Variants in NYAP2 observed in about 807,000 individuals in gnomAD.
The protein encoded by NYAP2 is neuronal tyrosine-phosphorylated phosphoinositide-3-kinase adaptor 2.
A neutral mutation model predicts 50.4 loss-of-function variants in NYAP2; 23 were observed. That is an observed-to-expected ratio of 0.46 (90% CI 0.33 to 0.65). The LOEUF is 0.65. Ranked by LOEUF, NYAP2 falls within the 30% of genes least tolerant of loss-of-function variation. The pLI, the probability that NYAP2 is intolerant of heterozygous loss-of-function variation, is 0.02. For synonymous variants in NYAP2, 394 were observed against 365.2 expected (o/e 1.08, Z -0.90); for missense variants, 885 against 861.0 (o/e 1.03, Z -0.35).
intron 3 of NYAP2, among the ~76,000 whole-genome samples, chr2:225,416,956 C>T (rs566165150): frequency 3.3e-5 from 5 of 151,978 alleles, no homozygotes; most frequent in East Asian, 1.9e-4. Flanking sequence ...AACAGAAGCC[C>T]GTTGGAGAAT....
At chr2:225,473,055 G>A (rs1448666042) in intron 3 of NYAP2, among the ~76,000 whole-genome samples, 6 of 152,092 alleles carry the variant, frequency 3.9e-5, no homozygotes, top group Non-Finnish European at 7.4e-5. Flanking sequence ...GAGAACATGC[G>A]GTGTTTGGTT....
chr2:225,561,276 A>G (rs1691867676), intron 4 of NYAP2, among the ~76,000 whole-genome samples: 1 of 152,144 alleles, frequency 6.6e-6, no homozygotes, highest in Non-Finnish European at 1.5e-5. Context: ...GAAGCAAGCC[A>G]TGTACATCGC....
At chr2:225,577,947 A>AT (rs1257802425) in intron 4 of NYAP2, among the ~76,000 whole-genome samples, 2 of 151,858 alleles carry the variant, frequency 1.3e-5, no homozygotes, top group Admixed American at 6.6e-5. Context: ...AATTTATTAT[A>AT]TTTTGAGACA....
the NYAP2 span, among the ~76,000 whole-genome samples, chr2:225,663,144 A>AGCAAGATGG: frequency 6.6e-6 from 1 of 152,214 alleles, no homozygotes; most frequent in African/African-American, 2.4e-5. Context: ...ACTAGGGAGA[A>AGCAAGATGG]GCAAGATGGG....
intron 4 of NYAP2, among the ~76,000 whole-genome samples, chr2:225,565,953 A>G (rs577433791): frequency 2.6e-5 from 4 of 152,274 alleles, no homozygotes; most frequent in South Asian, 2.1e-4. Context: ...ACCATCATAT[A>G]TAGAGGCAAA....
chr2:225,435,505 C>T (rs1193267301), intron 3 of NYAP2, among the ~76,000 whole-genome samples: 1 of 152,148 alleles, frequency 6.6e-6, no homozygotes, highest in Admixed American at 6.5e-5. Flanking sequence ...CTTGACTGGT[C>T]CAATACTCAA....
the NYAP2 span, among the ~76,000 whole-genome samples, chr2:225,678,337 T>C: frequency 6.6e-6 from 1 of 152,180 alleles, no homozygotes. Context: ...TAATGATCTA[T>C]CAATTTATTT....
intron 6 of NYAP2, among the ~76,000 whole-genome samples, chr2:225,629,238 C>G (rs1248694355): frequency 6.6e-6 from 1 of 152,138 alleles, no homozygotes; most frequent in Non-Finnish European, 1.5e-5. Flanking sequence ...ACAGATGTCC[C>G]AGCTCAAGAA....
At chr2:225,534,753 G>A (rs1691317484) in intron 4 of NYAP2, among the ~76,000 whole-genome samples, 1 of 152,164 alleles carries the variant, frequency 6.6e-6, no homozygotes, top group Non-Finnish European at 1.5e-5. Context: ...CAAGAGGATT[G>A]GAGTAAGAGA....
At chr2:225,474,223 T>C (rs902573628) in intron 3 of NYAP2, among the ~76,000 whole-genome samples, 1 of 152,192 alleles carries the variant, frequency 6.6e-6, no homozygotes, top group East Asian at 1.9e-4. Context: ...CCTTGTAGTA[T>C]AGTTTGAAGT....
At chr2:225,511,373 CAG>C (rs67828728) in intron 3 of NYAP2, among the ~76,000 whole-genome samples, 15,000 of 116,952 alleles carry the variant, frequency 0.13, 836 homozygotes, top group East Asian at 0.16. Context: ...CACACACACA[CAG>C]AGAGAGAGAG....
intron 5 of NYAP2, among the ~76,000 whole-genome samples, chr2:225,604,423 A>G (rs1231481268): frequency 6.6e-6 from 1 of 152,134 alleles, no homozygotes; most frequent in Non-Finnish European, 1.5e-5. Flanking sequence ...AGAAATAATC[A>G]TATTTAACTC....
chr2:225,529,611 T>TACC (rs1308313561), intron 4 of NYAP2, among the ~76,000 whole-genome samples: 1 of 152,126 alleles, frequency 6.6e-6, no homozygotes, highest in African/African-American at 2.4e-5. Flanking sequence ...AGGCATGAAC[T>TACC]ACCGTGCCTG....
chr2:225,621,474 G>T (rs989719937), intron 5 of NYAP2, among the ~76,000 whole-genome samples: 3 of 152,132 alleles, frequency 2.0e-5, no homozygotes, highest in Non-Finnish European at 4.4e-5. Context: ...GGGCCAAAGG[G>T]AGGAGGAAAT....
intron 4 of NYAP2, among the ~76,000 whole-genome samples, chr2:225,536,249 C>T (rs1396286938): frequency 2.6e-5 from 4 of 152,312 alleles, no homozygotes; most frequent in African/African-American, 9.6e-5. Context: ...TCCTCCTGTT[C>T]TCCCAAGGCG....
intron 3 of NYAP2, among the ~76,000 whole-genome samples, chr2:225,510,044 G>A (rs766366791): frequency 1.7e-4 from 26 of 152,170 alleles, no homozygotes; most frequent in Non-Finnish European, 2.1e-4. Context: ...AAGTTAGTTG[G>A]TGTTTTTCCT....
At chr2:225,681,918 G>A in the NYAP2 span, among the ~76,000 whole-genome samples, 1 of 152,158 alleles carries the variant, frequency 6.6e-6, no homozygotes, top group African/African-American at 2.4e-5. Flanking sequence ...AAATAGGTTA[G>A]CATATATAAG....
intron 4 of NYAP2, among the ~76,000 whole-genome samples, chr2:225,575,778 A>G (rs1367590443): frequency 3.3e-5 from 5 of 152,208 alleles, no homozygotes; most frequent in East Asian, 3.9e-4. Context: ...TTATAGATCA[A>G]TTACTGGAGA....
intron 3 of NYAP2, among the ~76,000 whole-genome samples, chr2:225,420,511 A>T (rs955592891): frequency 1.4e-4 from 22 of 152,156 alleles, no homozygotes; most frequent in African/African-American, 4.3e-4. Flanking sequence ...TTGAAGCTTC[A>T]TATTGGTTTG....
Sources: gnomAD v4.1 joint callset for allele counts (sites outside exome capture counted in the v4.1 genomes callset) on GRCh38, gnomAD v4.1.1 for gene constraint, MANE v1.5 for transcripts, NCBI Gene and HGNC (gene_info 2026-07-23, HGNC 2026-07-21) for gene names.